Variants in STX16 observed in about 807,000 individuals in gnomAD.
STX16 encodes the protein syntaxin-16.
A neutral mutation model predicts 42.7 loss-of-function variants in STX16; 28 were observed. The ratio of observed to expected loss-of-function variants is 0.66; its 90% CI spans 0.49 to 0.90. The LOEUF (loss-of-function observed/expected upper bound fraction) is 0.90, where lower values mean the gene tolerates loss of function less well. STX16 is among the 40% of genes least tolerant of loss of function. The pLI is 0.00. For missense variants in STX16, 361 were observed against 420.9 expected, an observed-to-expected ratio of 0.86 and a Z score of 1.24; for synonymous variants, 156 against 155.2, an observed-to-expected ratio of 1.00 and a Z score of -0.04.
rs886056866 is a variant in STX16 at position 58,678,790 on chromosome 20, C to T, written c.*2499C>T. The T allele has an allele frequency of 5.3e-5, 8 of 152,194 alleles. No individual in the cohort carries two copies. The highest frequency in any genetic ancestry group is 1.9e-4 in the East Asian group (1 of 5,186). The allele number at this position is 152,194 out of a possible 1,614,324, so 9.4% of individuals were successfully genotyped here. On this transcript the variant is annotated 3_prime_UTR_variant, in exon 9 of 9. Transcript: ENST00000371141. ...GTTGAGCCTGTACTTGGGGAGAGAT[C>T]AGTAGCATTTGAGGAAGTAAGAGAA...
At chr20:58,667,692 C>G (rs2083869711) in intron 3 of STX16, 95 bp downstream of exon 3, 2 of 1,102,620 alleles carry the variant, frequency 1.8e-6, no homozygotes, top group East Asian at 4.9e-5. Context: ...TTTGGCTACA[C>G]TTGAATGTAT....
Position 58,651,958 on chromosome 20 carries a change from A to G in STX16, c.-49A>G. On this transcript the variant is annotated 5_prime_UTR_variant, in exon 1 of 9. Transcript: ENST00000371141. ...GAGAAAGAAAGTGAATAAATCAGGA[A>G]TATAAGTGGGCGGGGGGCCCCTGAG... is the stretch of plus-strand genomic sequence containing the variant. 2 of 1,598,806 alleles carry G rather than the reference A, an allele frequency of 1.3e-6. No homozygotes were observed. The highest frequency in any genetic ancestry group is 8.6e-7 in the Non-Finnish European group (1 of 1,167,112).
In STX16 at chr20:58,668,138, C is replaced by T; in HGVS notation, c.393+11C>T. The T allele has an allele frequency of 6.2e-7, 1 of 1,614,048 alleles. No homozygotes were observed. The highest frequency in any genetic ancestry group is 1.3e-5 in the African/African-American group (1 of 75,062). On this transcript the variant is annotated intron_variant, in intron 4 of 8. Transcript: ENST00000371141. ...CAAGAGATCACTCAGGTGAGGAGTG[C>T]AAGTGAGTCCTGGGGAAACCAGCGA...
intron 2 of STX16, 145 bp from the exon 3 acceptor site, chr20:58,667,345 A>G (rs748690926): frequency 1.3e-4 from 99 of 750,092 alleles, no homozygotes; most frequent in Non-Finnish European, 2.2e-4. Flanking sequence ...CTTTCTATAT[A>G]TTTTCAGGGA....
intron 7 of STX16, among the ~76,000 whole-genome samples, chr20:58,672,798 T>G (rs1180612496): frequency 1.3e-5 from 2 of 152,204 alleles, no homozygotes; most frequent in Admixed American, 6.5e-5. Flanking sequence ...TAATGGCAAT[T>G]GGAACCACTA....
chr20:58,665,835 G>A (rs1330444572), intron 2 of STX16, among the ~76,000 whole-genome samples: 1 of 152,190 alleles, frequency 6.6e-6, no homozygotes, highest in African/African-American at 2.4e-5. Context: ...TCCTTCCAGC[G>A]TGGTCATTGC....
Position 58,659,454 on chromosome 20 carries a change from A to T in STX16, c.133-169A>T, listed in dbSNP as rs1014032876. Among the ~76,000 whole-genome samples the T allele has an allele frequency of 4.0e-5, 6 of 151,370 alleles. No homozygotes were observed. The East Asian group carries it at 9.6e-4, about 24-fold the overall frequency. ...TATTGATGTAGCTTAATTTAAAAAA[A>T]AAAAAGGAGATTTTAAAATGCCTTG... On this transcript the variant is annotated intron_variant, in intron 1 of 8. Transcript: ENST00000371141.
At chr20:58,658,945 A>G (rs995550974) in intron 1 of STX16, among the ~76,000 whole-genome samples, 1 of 152,198 alleles carries the variant, frequency 6.6e-6, no homozygotes, top group Non-Finnish European at 1.5e-5. Flanking sequence ...AATAATACAT[A>G]CCAAGAGATG....
intron 2 of STX16, among the ~76,000 whole-genome samples, chr20:58,664,759 AC>A (rs2083777907): frequency 1.3e-5 from 2 of 152,252 alleles, no homozygotes; most frequent in African/African-American, 4.8e-5. Flanking sequence ...TTAGATAGAT[AC>A]CATCTCTCTG....
intron 7 of STX16, among the ~76,000 whole-genome samples, chr20:58,673,278 G>A (rs944070944): frequency 3.3e-5 from 5 of 152,166 alleles, no homozygotes; most frequent in African/African-American, 9.7e-5. Flanking sequence ...GCAAATGGGC[G>A]CAGAGCTTCT....
At chr20:58,670,403 A>G (rs1030562613) in intron 5 of STX16, 109 bp from the exon 6 acceptor site, 2 of 823,786 alleles carry the variant, frequency 2.4e-6, no homozygotes, top group Non-Finnish European at 4.0e-6. Context: ...GGCTAAGAAT[A>G]TCTCAATTTT....
chr20:58,658,894 T>TC, intron 1 of STX16, among the ~76,000 whole-genome samples: 1 of 152,370 alleles, frequency 6.6e-6, no homozygotes, highest in East Asian at 1.9e-4. Flanking sequence ...TTGCTTGCTT[T>TC]TATAAGAGCC....
intron 2 of STX16, among the ~76,000 whole-genome samples, chr20:58,663,368 A>G (rs2083745773): frequency 6.6e-6 from 1 of 152,266 alleles, no homozygotes; most frequent in Non-Finnish European, 1.5e-5. Flanking sequence ...CCATAGATGG[A>G]GAACTTGTCC....
At chr20:58,661,754 A>G (rs532835524) in intron 2 of STX16, among the ~76,000 whole-genome samples, 1 of 152,362 alleles carries the variant, frequency 6.6e-6, no homozygotes, top group African/African-American at 2.4e-5. Flanking sequence ...GACAGTGTCC[A>G]GAGGCTTCTT....
At chr20:58,659,794 A>G (rs567914339) in intron 2 of STX16, among the ~76,000 whole-genome samples, 160 bp downstream of exon 2, 23 of 152,366 alleles carry the variant, frequency 1.5e-4, no homozygotes, top group African/African-American at 5.5e-4. Flanking sequence ...AATATGTAGA[A>G]TTTAATCTAT....
chr20:58,673,301 G>C (rs2084024888), intron 7 of STX16, among the ~76,000 whole-genome samples: 1 of 152,188 alleles, frequency 6.6e-6, no homozygotes, highest in East Asian at 1.9e-4. Flanking sequence ...GCTGCTCAGA[G>C]CCTCTGTCCA....
intron 6 of STX16, 108 bp downstream of exon 6, chr20:58,670,711 T>TG (rs1251830449): frequency 6.7e-6 from 6 of 894,444 alleles, no homozygotes; most frequent in Non-Finnish European, 1.1e-5. Flanking sequence ...TTGATACAGT[T>TG]GACTTGTATA....
At chr20:58,668,413 ATAAC>A (rs1411137781) in intron 4 of STX16, among the ~76,000 whole-genome samples, 1 of 152,276 alleles carries the variant, frequency 6.6e-6, no homozygotes, top group Non-Finnish European at 1.5e-5. Flanking sequence ...TTTAAAATGT[ATAAC>A]TAATATCGTA....
Position 58,670,584 on chromosome 20 carries a change from A to G in STX16, c.629A>G (p.Asp210Gly). The change falls in exon 6 of 9, where the codon GAT becomes GGT. Residue 210 changes from aspartate to glycine, a missense_variant. Asp to Gly is a moderately conservative substitution (Grantham distance 94). Coordinates refer to ENST00000371141, the MANE Select transcript of STX16 (RefSeq NM_001001433.3). ...TSVPLMDDGD[D>G]NTLYHRGFTE... ...GTACCACTAATGGATGATGGAGACG[A>G]TAACACTCTTTACCATCGGGTACGT... 1 of 1,614,156 alleles carries G rather than the reference A, an allele frequency of 6.2e-7. No homozygotes were observed. Among genetic ancestry groups the G allele is most frequent in the South Asian group, 1.1e-5 (1 of 91,076 alleles).
Sources: gnomAD v4.1 joint callset for allele counts (sites outside exome capture counted in the v4.1 genomes callset) on GRCh38, gnomAD v4.1.1 for gene constraint, MANE v1.5 for transcripts, NCBI Gene and HGNC (gene_info 2026-07-23, HGNC 2026-07-21) for gene names.